Variants in TULP3 observed in about 807,000 individuals in gnomAD.
The protein encoded by TULP3 is TUB like protein 3.
In TULP3, 38 loss-of-function variants were observed where a neutral mutation model predicts 50.7. That is an observed-to-expected ratio of 0.75 (90% CI 0.58 to 0.98). TULP3 has a LOEUF of 0.98. Ranked by LOEUF, TULP3 falls within the 50% of genes least tolerant of loss-of-function variation. The probability of loss-of-function intolerance (pLI) is 0.00; values close to 1 mark genes in which losing one functional copy is unlikely to be tolerated. For missense variants in TULP3, 550 were observed against 568.0 expected (o/e 0.97, Z 0.32); for synonymous variants, 183 against 196.6 (o/e 0.93, Z 0.58).
chr12:2,903,103 C>T (rs561993071), intron 1 of TULP3, among the ~76,000 whole-genome samples: 4 of 151,970 alleles, frequency 2.6e-5, no homozygotes, highest in East Asian at 3.9e-4. Flanking sequence ...CTCAAGTGAT[C>T]TCCCCACGTT....
chr12:2,938,161 T>G lies in TULP3; in HGVS notation c.1071T>G (p.Asn357Lys). The G allele has an allele frequency of 6.2e-7, 1 of 1,614,126 alleles. No individual in the cohort carries two copies. Among genetic ancestry groups the G allele is most frequent in the Admixed American group, 1.7e-5 (1 of 59,998 alleles). Residue 357 changes from asparagine to lysine, a missense_variant, in exon 10 of 11, where the codon AAT becomes AAG. Coordinates refer to ENST00000448120, the MANE Select transcript of TULP3 (RefSeq NM_003324.5). ...LSRWQNRTME[N>K]LVELHNKAPV... ...GGTGGCAGAACAGAACTATGGAAAA[T>G]CTGGTTGAGCTGCACAACAAGGCCC... is the stretch of plus-strand genomic sequence containing the variant.
At position 2,934,480 on chromosome 12, in the gene TULP3, T is replaced by A. The variant is rs774690224; in HGVS notation, c.843T>A (p.Tyr281Ter). Residue 281 changes from tyrosine to a stop codon, truncating the protein, a stop_gained, in exon 8 of 11, where the codon TAT becomes TAA. Transcript: ENST00000448120. LOFTEE classifies it high-confidence loss of function. ...SNLMGTKFTV[Y>*]DRGICPMKGR... is the part of the protein sequence containing the mutation. ...TCATGGGGACCAAGTTTACAGTTTA[T>A]GACCGTGGCATCTGCCCCATGAAGG... is the stretch of plus-strand genomic sequence containing the variant. The A allele has an allele frequency of 6.2e-7, 1 of 1,604,554 alleles. No homozygotes were observed. Among genetic ancestry groups the A allele is most frequent in the East Asian group, 2.3e-5 (1 of 44,000 alleles).
intron 4 of TULP3, among the ~76,000 whole-genome samples, chr12:2,926,978 A>G (rs1163864283): frequency 2.0e-5 from 3 of 151,950 alleles, no homozygotes; most frequent in Non-Finnish European, 4.4e-5. Flanking sequence ...ATTTTACAAA[A>G]TTTTCATCAC....
intron 2 of TULP3, 79 bp downstream of exon 2, chr12:2,909,659 T>C (rs1382099643): frequency 3.3e-5 from 46 of 1,399,584 alleles, no homozygotes; most frequent in Non-Finnish European, 4.4e-5. Context: ...CTGAAGCCTT[T>C]GGCAGGGCTA....
At chr12:2,907,897 C>T (rs1217208618) in intron 1 of TULP3, among the ~76,000 whole-genome samples, 1 of 152,046 alleles carries the variant, frequency 6.6e-6, no homozygotes, top group African/African-American at 2.4e-5. Flanking sequence ...TTATTTGTTC[C>T]TCTTTGGAGC....
chr12:2,892,818 G>C (rs2098172974), intron 1 of TULP3, among the ~76,000 whole-genome samples: 1 of 149,382 alleles, frequency 6.7e-6, no homozygotes, highest in South Asian at 2.1e-4. Context: ...CCCCCTCCTT[G>C]TTCTTCCGAA....
chr12:2,893,581 A>T (rs1057511610), intron 1 of TULP3, among the ~76,000 whole-genome samples: 1 of 151,930 alleles, frequency 6.6e-6, no homozygotes, highest in Non-Finnish European at 1.5e-5. Flanking sequence ...TCGGCCTCCC[A>T]AAGTGCTGGG....
chr12:2,909,277 C>T (rs1051245898), intron 1 of TULP3, among the ~76,000 whole-genome samples: 1 of 152,142 alleles, frequency 6.6e-6, no homozygotes, highest in East Asian at 1.9e-4. Context: ...TCCCTGCATG[C>T]GTGGGGTCTG....
intron 2 of TULP3, among the ~76,000 whole-genome samples, chr12:2,909,861 G>A (rs969659600): frequency 1.3e-5 from 2 of 152,218 alleles, no homozygotes; most frequent in African/African-American, 4.8e-5. Context: ...AATTAGAAGA[G>A]TGTTAACATT....
intron 2 of TULP3, among the ~76,000 whole-genome samples, chr12:2,914,941 G>A (rs753270035): frequency 4.0e-5 from 6 of 150,786 alleles, no homozygotes; most frequent in Non-Finnish European, 8.8e-5. Flanking sequence ...CAAGATACTC[G>A]TTTTCAGGGT....
chr12:2,924,897 G>A (rs959768984), intron 4 of TULP3, among the ~76,000 whole-genome samples: 1 of 151,922 alleles, frequency 6.6e-6, no homozygotes, highest in Non-Finnish European at 1.5e-5. Flanking sequence ...AAAAAATAGG[G>A]CTGGGCGCTA....
At chr12:2,899,030 A>G (rs959803143) in intron 1 of TULP3, among the ~76,000 whole-genome samples, 4 of 152,146 alleles carry the variant, frequency 2.6e-5, no homozygotes, top group Admixed American at 6.6e-5. Context: ...TATTCTTCAG[A>G]TATTTTTAAC....
rs984301179 is a variant in TULP3, at chr12:2,928,879, A to G, written c.395-1369A>G. Reference sequence around the variant, plus strand: ...AGAATTGCTTGAACCCAGGAGACGGAGGTTGCAGTGAGCTGAGATGGTGCC... The same window carrying G: ...AGAATTGCTTGAACCCAGGAGACGGGGGTTGCAGTGAGCTGAGATGGTGCC... On this transcript the variant is annotated intron_variant, in intron 4 of 10. Coordinates refer to ENST00000448120, the MANE Select transcript of TULP3 (RefSeq NM_003324.5). Among the ~76,000 whole-genome samples, 5 of 152,158 alleles carry G rather than the reference A, an allele frequency of 3.3e-5. No homozygotes were observed. In the East Asian group the frequency reaches 7.8e-4, roughly 24 times the overall value.
chr12:2,899,485 C>T (rs979418707), intron 1 of TULP3, among the ~76,000 whole-genome samples: 3 of 152,004 alleles, frequency 2.0e-5, no homozygotes, highest in Non-Finnish European at 4.4e-5. Flanking sequence ...CCTGGAAGGT[C>T]ATAGTTATTC....
rs745928595 is a variant in TULP3 at position 2,939,321 on chromosome 12, A to G, written c.1206A>G (p.Ile402Met). The stretch of plus-strand genomic sequence containing the variant: ...TCTTTCTGTTTCTAGCTGATTATAT[A>G]GTCATGCAGTTTGGACGTGTGGCAG... ...QIVHKNDPDY[I>M]VMQFGRVADD... Residue 402 changes from isoleucine (I) to methionine (M), a missense_variant, in exon 11 of 11, where the codon ATA (isoleucine) becomes ATG (methionine). By Grantham distance (10) the Ile-to-Met change is conservative. Coordinates refer to ENST00000448120, the MANE Select transcript of TULP3 (RefSeq NM_003324.5). The surrounding 1 kb of genome is among the most constrained non-coding windows in gnomAD (Gnocchi z 4.0). 4.3e-6 allele frequency: 7 copies of G among 1,614,076 alleles called. No homozygotes were observed. The highest frequency in any genetic ancestry group is 5.9e-6 in the Non-Finnish European group (7 of 1,180,026).
intron 2 of TULP3, among the ~76,000 whole-genome samples, chr12:2,917,607 G>A (rs1193227572): frequency 6.6e-6 from 1 of 152,100 alleles, no homozygotes; most frequent in African/African-American, 2.4e-5. Context: ...GCCAGGTACG[G>A]TGGCTCATGC....
chr12:2,939,202 G>A lies in TULP3; in HGVS notation c.1196-109G>A. ...GCTGTGGTCATTCCACTAGGCTCCA[G>A]CCAGGGCGACAGAGCAAAACCCCAT... On this transcript the variant is annotated intron_variant, in intron 10 of 10. Coordinates refer to ENST00000448120, the MANE Select transcript of TULP3 (RefSeq NM_003324.5). The surrounding 1 kb of genome is among the most constrained non-coding windows in gnomAD (Gnocchi z 4.0). 9 of 1,276,794 alleles carry A rather than the reference G, an allele frequency of 7.0e-6. No individual in the cohort carries two copies. The highest frequency in any genetic ancestry group is 9.9e-6 in the Non-Finnish European group (9 of 912,998). The allele number at this position is 1,276,794 out of a possible 1,614,324, so 79.1% of individuals were successfully genotyped here.
At position 2,940,119 on chromosome 12, in the gene TULP3, G is replaced by A. The variant is rs748349659; in HGVS notation, c.*675G>A. 2 of 1,292,286 alleles carry A rather than the reference G, an allele frequency of 1.5e-6. No individual in the cohort carries two copies. Among genetic ancestry groups the A allele is most frequent in the South Asian group, 2.5e-5 (2 of 81,030 alleles). 80.1% of individuals were successfully genotyped at this position (1,292,286 alleles called of 1,614,324 possible). On this transcript the variant is annotated 3_prime_UTR_variant, in exon 11 of 11. Transcript: ENST00000448120. ...TATAATTGTCTTCATTTCAATTAAG[G>A]CTGAAAGCATAAACTCTAGAGGTGA... is the stretch of plus-strand genomic sequence containing the variant.
chr12:2,904,931 C>T (rs1169783237), intron 1 of TULP3, among the ~76,000 whole-genome samples: 1 of 151,770 alleles, frequency 6.6e-6, no homozygotes, highest in Non-Finnish European at 1.5e-5. Context: ...ATGGCGAAAC[C>T]CCGTCTCCAC....
Sources: allele counts gnomAD v4.1 joint callset (sites outside exome capture counted in the v4.1 genomes callset), GRCh38; gene constraint gnomAD v4.1.1; non-coding constraint Gnocchi (gnomAD v3.1); transcripts MANE v1.5; gene names NCBI Gene and HGNC (gene_info 2026-07-23, HGNC 2026-07-21).